The following PPP1R10 variants were observed in gnomAD, a reference collection of about 807,000 sequenced individuals.
PPP1R10 encodes serine/threonine-protein phosphatase 1 regulatory subunit 10.
A neutral mutation model predicts 99.0 loss-of-function variants in PPP1R10; 15 were observed. That is an observed-to-expected ratio of 0.15 (90% CI 0.10 to 0.23). The LOEUF (loss-of-function observed/expected upper bound fraction) is 0.23, where lower values mean the gene tolerates loss of function less well. Among genes scored for constraint, PPP1R10 ranks in the 10% least tolerant of loss-of-function variants. The pLI is 1.00. For synonymous variants in PPP1R10, 430 were observed against 449.5 expected (o/e 0.96, Z 0.55); for missense variants, 947 against 1,259.4 (o/e 0.75, Z 3.75).
chr6:30,606,312 C>T lies in PPP1R10; in HGVS notation c.635-69G>A, dbSNP rs1803941248. 2.5e-6 allele frequency: 4 copies of T among 1,583,772 alleles called. No individual in the cohort carries two copies. Among genetic ancestry groups the T allele is most frequent in the African/African-American group, 2.7e-5 (2 of 73,654 alleles). On this transcript the variant is annotated intron_variant, in intron 8 of 19. Coordinates refer to ENST00000376511, the MANE Select transcript of PPP1R10 (RefSeq NM_002714.4). This position sits in a 1 kb window ranked among gnomAD's most constrained non-coding sequence, Gnocchi z 6.3. Reference sequence around the variant, plus strand: ...GACCCCCGAATTTTCCTCCCGTTCTCACCCGCAAATGTTCTTCTAGCCTTG... The same window carrying T: ...GACCCCCGAATTTTCCTCCCGTTCTTACCCGCAAATGTTCTTCTAGCCTTG...
rs1216425677 is a variant in PPP1R10 at position 30,605,507 on chromosome 6, G to C, written c.854-413C>G. Among the ~76,000 whole-genome samples, 3 of 152,234 alleles carry C rather than the reference G, an allele frequency of 2.0e-5. No individual in the cohort carries two copies. The East Asian group carries it at 5.8e-4, about 29-fold the overall frequency. ...TACCAAGAAATCAAAGGAAAATGGA[G>C]GGAAATAATAAAAGAGAAGGGAAAA... is the stretch of plus-strand genomic sequence containing the variant. On this transcript the variant is annotated intron_variant, in intron 10 of 19. Coordinates refer to ENST00000376511, the MANE Select transcript of PPP1R10 (RefSeq NM_002714.4).
rs1170552902 is a variant in PPP1R10 at position 30,605,009 on chromosome 6, T to C, written c.939A>G (p.Ser313=). Residue 313 remains serine (S), a synonymous_variant, in exon 11 of 20, where the codon TCA becomes TCG. Transcript: ENST00000376511. ...IKIKKKKKVL[S]PTAAKPSPFE... ...GAGCCCATACCTTGGCAGCCGTAGGTGACAGTACTTTTTTTTTCTTCTTAA... is the reference window on the plus strand; with the variant it reads ...GAGCCCATACCTTGGCAGCCGTAGGCGACAGTACTTTTTTTTTCTTCTTAA... 1 of 1,612,888 alleles carries C rather than the reference T, an allele frequency of 6.2e-7. No individual in the cohort carries two copies. Among genetic ancestry groups the C allele is most frequent in the Non-Finnish European group, 8.5e-7 (1 of 1,180,008 alleles).
chr6:30,608,970 C>T (rs1205160484), intron 4 of PPP1R10, 56 bp from the exon 5 acceptor site: 11 of 1,612,090 alleles, frequency 6.8e-6, no homozygotes, highest in African/African-American at 2.7e-5. Context: ...TTGACAGTAC[C>T]ACATCCTACA....
Position 30,603,518 on chromosome 6 carries a change from G to C in PPP1R10, c.1721C>G (p.Pro574Arg). 6.2e-7 allele frequency: 1 copy of C among 1,613,320 alleles called. No homozygotes were observed. The highest frequency in any genetic ancestry group is 8.5e-7 in the Non-Finnish European group (1 of 1,179,728). Residue 574 changes from proline (P) to arginine (R), a missense_variant, in exon 16 of 20, where the codon CCT becomes CGT. Physicochemically the swap from Pro to Arg is moderately radical, Grantham distance 103. This residue lies in a region of PPP1R10 where 525 missense variants were observed against 578.8 expected (regional missense o/e 0.91). Transcript: ENST00000376511. ...TTGGACATTAATGCCTCCTCCTCCAGGGCCTTGGGGGCCCTTTCCAGCACC... is the reference window on the plus strand; with the variant it reads ...TTGGACATTAATGCCTCCTCCTCCACGGCCTTGGGGGCCCTTTCCAGCACC... ...SMGAGKGPQG[P>R]GGGGINVQEI...
chr6:30,601,205 C>G lies in PPP1R10; in HGVS notation c.*344G>C, dbSNP rs1018313587. The G allele has an allele frequency of 3.5e-6, 1 of 289,504 alleles. No individual in the cohort carries two copies. The highest frequency in any genetic ancestry group is 6.5e-6 in the Non-Finnish European group (1 of 153,928). The allele number at this position is 289,504 out of a possible 1,614,324, so 17.9% of individuals were successfully genotyped here. A position where few individuals can be genotyped will look rare whatever the true frequency, so the allele number is the denominator to read the frequency against. On this transcript the variant is annotated 3_prime_UTR_variant, in exon 20 of 20. Transcript: ENST00000376511. Reference sequence around the variant, plus strand: ...CCCGCAATAGAAGGGTAGGGGTGTTCGCCAGGATAACCAGCTTTAGGTTCT... The same window carrying G: ...CCCGCAATAGAAGGGTAGGGGTGTTGGCCAGGATAACCAGCTTTAGGTTCT...
Position 30,604,723 on chromosome 6 carries a change from C to G in PPP1R10, c.967G>C (p.Glu323Gln). The change falls in exon 12 of 20, where the codon GAA becomes CAA. Residue 323 changes from glutamate to glutamine, a missense_variant. Coordinates refer to ENST00000376511, the MANE Select transcript of PPP1R10 (RefSeq NM_002714.4). This position sits in a 1 kb window ranked among gnomAD's most constrained non-coding sequence, Gnocchi z 7.3. ...SPTAAKPSPF[E>Q]GKTSTEPSTA... is the part of the protein sequence containing the mutation. ...CTTGGTTCTGTGCTCGTTTTCCCTT[C>G]AAAGGGGCTTGGCTATTGTGAAAGA... 1.9e-6 allele frequency: 3 copies of G among 1,613,032 alleles called. No homozygotes were observed. Among genetic ancestry groups the G allele is most frequent in the Non-Finnish European group, 2.5e-6 (3 of 1,180,030 alleles).
intron 2 of PPP1R10, among the ~76,000 whole-genome samples, chr6:30,615,755 A>C (rs759402039): frequency 3.3e-5 from 5 of 152,106 alleles, no homozygotes; most frequent in Non-Finnish European, 5.9e-5. Context: ...ATACCTATGC[A>C]ATCTGCAACA....
chr6:30,606,291 C>T lies in PPP1R10; in HGVS notation c.635-48G>A. The T allele has an allele frequency of 6.3e-7, 1 of 1,598,778 alleles. No homozygotes were observed. Among genetic ancestry groups the T allele is most frequent in the South Asian group, 1.1e-5 (1 of 90,478 alleles). ...GGCAGCTGAACTCAAACCCCAGACC[C>T]CCGAATTTTCCTCCCGTTCTCACCC... On this transcript the variant is annotated intron_variant, in intron 8 of 19. Transcript: ENST00000376511. This position sits in a 1 kb window ranked among gnomAD's most constrained non-coding sequence, Gnocchi z 6.3.
chr6:30,608,658 A>AT (rs566744730), intron 5 of PPP1R10, 121 bp downstream of exon 5: 74 of 1,259,794 alleles, frequency 5.9e-5, no homozygotes, highest in East Asian at 7.1e-5. Context: ...CTAAATTCCT[A>AT]TTTTTTTTCT....
At position 30,606,567 on chromosome 6, in the gene PPP1R10, T is replaced by G. The variant is rs760368533; in HGVS notation, c.535A>C (p.Lys179Gln). 3 of 1,614,088 alleles carry G rather than the reference T, an allele frequency of 1.9e-6. No individual in the cohort carries two copies. The highest frequency in any genetic ancestry group is 2.5e-6 in the Non-Finnish European group (3 of 1,180,050). Residue 179 changes from lysine (K) to glutamine (Q), a missense_variant, in exon 8 of 20, where the codon AAG becomes CAG. Lys to Gln is a moderately conservative substitution (Grantham distance 53). Coordinates refer to ENST00000376511, the MANE Select transcript of PPP1R10 (RefSeq NM_002714.4). This position sits in a 1 kb window ranked among gnomAD's most constrained non-coding sequence, Gnocchi z 6.3. ...TLPERPLTEV[K>Q]AETRAEEAPE... ...GCCTCCTCAGCCCGGGTCTCAGCCT[T>G]CACCTCTGTCAAAGGTCGCTCAGGA...
At chr6:30,614,235 A>G (rs2127452285) in intron 2 of PPP1R10, among the ~76,000 whole-genome samples, 1 of 152,146 alleles carries the variant, frequency 6.6e-6, no homozygotes, top group East Asian at 1.9e-4. Flanking sequence ...TTTTTTCATT[A>G]ATGCTTTTAG....
chr6:30,602,668 G>T lies in PPP1R10; in HGVS notation c.1981C>A (p.Pro661Thr). The T allele has an allele frequency of 6.3e-7, 1 of 1,586,578 alleles. No homozygotes were observed. The highest frequency in any genetic ancestry group is 8.6e-7 in the Non-Finnish European group (1 of 1,169,388). ...GGACCCAGAAGACGTGGACCCACTGGCCCACCAGGGCCTCCATGGGGACCT... is the reference window on the plus strand; with the variant it reads ...GGACCCAGAAGACGTGGACCCACTGTCCCACCAGGGCCTCCATGGGGACCT... Reference protein sequence around the residue: ...MPGPHGGPGGPVGPRLLGPPP... With the variant: ...MPGPHGGPGGTVGPRLLGPPP... The change falls in exon 19 of 20, where the codon CCA becomes ACA. Residue 661 changes from proline (P) to threonine (T), a missense_variant. Physicochemically the swap from Pro to Thr is conservative, Grantham distance 38. This residue lies in a region of PPP1R10 where 525 missense variants were observed against 578.8 expected (regional missense o/e 0.91). Transcript: ENST00000376511. This position sits in a 1 kb window ranked among gnomAD's most constrained non-coding sequence, Gnocchi z 6.7.
rs1804392498 is a variant in PPP1R10, at chr6:30,610,007, G to A, written c.-11-52C>T. On this transcript the variant is annotated intron_variant, in intron 2 of 19. Coordinates refer to ENST00000376511, the MANE Select transcript of PPP1R10 (RefSeq NM_002714.4). ...ACCCACAGAATAAATGGGTGGCAAG[G>A]ACTACCCGAGTAGGCCCTCTAATAA... is the stretch of plus-strand genomic sequence containing the variant. The A allele has an allele frequency of 2.5e-6, 3 of 1,206,190 alleles. No individual in the cohort carries two copies. In the South Asian group the frequency reaches 3.6e-5, roughly 15 times the overall value. The allele number at this position is 1,206,190 out of a possible 1,614,324, so 74.7% of individuals were successfully genotyped here.
chr6:30,615,966 C>G (rs188868371), intron 2 of PPP1R10, among the ~76,000 whole-genome samples: 1 of 152,218 alleles, frequency 6.6e-6, no homozygotes, highest in African/African-American at 2.4e-5. Context: ...TTACTTCTCT[C>G]TGCCCATCTC....
chr6:30,602,800 G>A lies in PPP1R10; in HGVS notation c.1957+46C>T. ...GTCAATCCTATACTATTATCAGACT[G>A]AAATTAAGCAGATAAGCCCATTCCA... is the stretch of plus-strand genomic sequence containing the variant. On this transcript the variant is annotated intron_variant, in intron 18 of 19. Coordinates refer to ENST00000376511, the MANE Select transcript of PPP1R10 (RefSeq NM_002714.4). This position sits in a 1 kb window ranked among gnomAD's most constrained non-coding sequence, Gnocchi z 6.7. 1.3e-6 allele frequency: 2 copies of A among 1,546,760 alleles called. No individual in the cohort carries two copies. Among genetic ancestry groups the A allele is most frequent in the South Asian group, 2.4e-5 (2 of 84,370 alleles).
chr6:30,606,974 A>C lies in PPP1R10; in HGVS notation c.383-118T>G. On this transcript the variant is annotated intron_variant, in intron 6 of 19. Transcript: ENST00000376511. This position sits in a 1 kb window ranked among gnomAD's most constrained non-coding sequence, Gnocchi z 6.3. The stretch of plus-strand genomic sequence containing the variant: ...ATTTATGTAACGGAGAAAGTAACCC[A>C]AAGTTTTAAGAAGAACATGAGATAT... 1 of 920,958 alleles carries C rather than the reference A, an allele frequency of 1.1e-6. No individual in the cohort carries two copies. The highest frequency in any genetic ancestry group is 1.5e-5 in the South Asian group (1 of 65,088). The allele number at this position is 920,958 out of a possible 1,614,324, so 57.0% of individuals were successfully genotyped here. A position where few individuals can be genotyped will look rare whatever the true frequency, so the allele number is the denominator to read the frequency against.
Position 30,606,104 on chromosome 6 carries a change from C to T in PPP1R10, c.740+34G>A. On this transcript the variant is annotated intron_variant, in intron 9 of 19. Transcript: ENST00000376511. The surrounding 1 kb of genome is among the most constrained non-coding windows in gnomAD (Gnocchi z 6.3). ...TCCTGCTCCCTTGTGTCCACAGATC[C>T]ACCCCATTCAGAGCCTGAGAATATG... 3.7e-6 allele frequency: 6 copies of T among 1,613,222 alleles called. No homozygotes were observed. Among genetic ancestry groups the T allele is most frequent in the Non-Finnish European group, 5.1e-6 (6 of 1,179,232 alleles).
chr6:30,608,301 CTTTTTT>C (rs1190279084), intron 5 of PPP1R10, among the ~76,000 whole-genome samples: 5 of 111,740 alleles, frequency 4.5e-5, no homozygotes, highest in African/African-American at 1.7e-4. Flanking sequence ...TGACACATTC[CTTTTTT>C]TTTTTTTTTT....
chr6:30,605,184 T>C (rs996198531), intron 10 of PPP1R10, 90 bp from the exon 11 acceptor site: 68 of 1,158,158 alleles, frequency 5.9e-5, no homozygotes, highest in South Asian at 1.4e-4. Flanking sequence ...AATGAGCCAG[T>C]GAAGACCCTG....
Sources: allele counts gnomAD v4.1 joint callset (sites outside exome capture counted in the v4.1 genomes callset), GRCh38; gene constraint gnomAD v4.1.1; regional missense constraint gnomAD v4.1.1; non-coding constraint Gnocchi (gnomAD v3.1); transcripts MANE v1.5; gene names NCBI Gene and HGNC (gene_info 2026-07-23, HGNC 2026-07-21).